Variants in CHD9 observed in about 807,000 individuals in gnomAD.
The protein encoded by CHD9 is ATP-dependent chromatin remodeler CHD9.
In CHD9, 77 loss-of-function variants were observed where a neutral mutation model predicts 316.1. The observed-to-expected ratio is 0.24, with a 90% CI of 0.20 to 0.29. The LOEUF (loss-of-function observed/expected upper bound fraction) is 0.29. Ranked by LOEUF, CHD9 falls within the 10% of genes least tolerant of loss-of-function variation. The pLI is 1.00. For missense variants in CHD9, 2,763 were observed against 3,438.1 expected (o/e 0.80, Z 4.91); for synonymous variants, 1,129 against 1,158.3 (o/e 0.97, Z 0.51).
chr16:53,149,782 A>T (rs1276376108), intron 1 of CHD9, among the ~76,000 whole-genome samples: 2 of 125,740 alleles, frequency 1.6e-5, no homozygotes, highest in African/African-American at 5.7e-5. Context: ...CAGGTCTTGA[A>T]CTCCTGGCCT....
At position 53,222,653 on chromosome 16, in the gene CHD9, T is replaced by C. The variant is rs1322849039; in HGVS notation, c.1794T>C (p.Ile598=). 1 of 1,482,288 alleles carries C rather than the reference T, an allele frequency of 6.7e-7. No individual in the cohort carries two copies. 91.8% of individuals were successfully genotyped at this position (1,482,288 alleles called of 1,614,324 possible). A position where few individuals can be genotyped will look rare whatever the true frequency, so the allele number is the denominator to read the frequency against. ...TTTCCTCTTGAAACAGCAAACTCAT[T>C]ATTACATTGGGTAAGAAACAAAAAA... The part of the protein sequence containing the change: ...LKEKTKIGKL[I]ITLGKKQKRK... Residue 598 remains isoleucine, a synonymous_variant, in exon 4 of 39, where the codon ATT becomes ATC. Coordinates refer to ENST00000447540, the MANE Select transcript of CHD9 (RefSeq NM_001308319.2).
At chr16:53,223,919 T>C (rs1431629057) in intron 4 of CHD9, among the ~76,000 whole-genome samples, 1 of 152,148 alleles carries the variant, frequency 6.6e-6, no homozygotes, top group Non-Finnish European at 1.5e-5. Context: ...GCTGGAAATC[T>C]AAAAATGTGA....
chr16:53,245,948 T>C lies in CHD9; in HGVS notation c.3454+98T>C. 2 of 819,168 alleles carry C rather than the reference T, an allele frequency of 2.4e-6. No individual in the cohort carries two copies. Among genetic ancestry groups the C allele is most frequent in the Non-Finnish European group, 1.8e-6 (1 of 569,500 alleles). The allele number at this position is 819,168 out of a possible 1,614,324, so 50.7% of individuals were successfully genotyped here. On this transcript the variant is annotated intron_variant, in intron 15 of 38. Coordinates refer to ENST00000447540, the MANE Select transcript of CHD9 (RefSeq NM_001308319.2). The surrounding 1 kb of genome is among the most constrained non-coding windows in gnomAD (Gnocchi z 4.1). ...CTACAGCTGTAGTGGCTGTTATGACTCTCCACTGTGATATTCTAAGGAATT... is the reference window on the plus strand; with the variant it reads ...CTACAGCTGTAGTGGCTGTTATGACCCTCCACTGTGATATTCTAAGGAATT...
intron 12 of CHD9, among the ~76,000 whole-genome samples, chr16:53,241,477 T>A (rs1300779521): frequency 2.0e-5 from 3 of 152,210 alleles, no homozygotes; most frequent in Non-Finnish European, 4.4e-5. Context: ...TGTAAACTCT[T>A]TCCTAAATTC....
At chr16:53,142,018 A>G (rs192036566) in intron 1 of CHD9, among the ~76,000 whole-genome samples, 1 of 152,308 alleles carries the variant, frequency 6.6e-6, no homozygotes, top group East Asian at 1.9e-4. Flanking sequence ...TAACTTTGGG[A>G]AAGGAATAAA....
chr16:53,136,203 G>A (rs1160568296), intron 1 of CHD9, among the ~76,000 whole-genome samples: 1 of 152,018 alleles, frequency 6.6e-6, no homozygotes, highest in Non-Finnish European at 1.5e-5. Context: ...TTTGGTTTTT[G>A]TTTGATTTTT....
At chr16:53,285,316 G>T (rs1477211429) in intron 24 of CHD9, among the ~76,000 whole-genome samples, 2 of 152,112 alleles carry the variant, frequency 1.3e-5, no homozygotes, top group African/African-American at 4.8e-5. Context: ...TCTAAATAAA[G>T]AAAATCAGTG....
chr16:53,149,639 C>G (rs1450872227), intron 1 of CHD9, among the ~76,000 whole-genome samples: 1 of 150,756 alleles, frequency 6.6e-6, no homozygotes, highest in Admixed American at 6.6e-5. Flanking sequence ...ACCTCCAACT[C>G]CTGGGCTCAG....
In CHD9 at chr16:53,245,959, A is replaced by G. The variant is rs1310766982; in HGVS notation, c.3454+109A>G. 2.7e-6 allele frequency: 2 copies of G among 742,876 alleles called. No homozygotes were observed. Among genetic ancestry groups the G allele is most frequent in the African/African-American group, 3.6e-5 (2 of 54,942 alleles). The allele number at this position is 742,876 out of a possible 1,614,324, so 46.0% of individuals were successfully genotyped here. On this transcript the variant is annotated intron_variant, in intron 15 of 38. Transcript: ENST00000447540. The surrounding 1 kb of genome is among the most constrained non-coding windows in gnomAD (Gnocchi z 4.1). ...GTGGCTGTTATGACTCTCCACTGTGATATTCTAAGGAATTACAAGTGTTAC... is the reference window on the plus strand; with the variant it reads ...GTGGCTGTTATGACTCTCCACTGTGGTATTCTAAGGAATTACAAGTGTTAC...
chr16:53,156,451 G>A lies in CHD9; in HGVS notation c.362G>A (p.Gly121Asp), dbSNP rs1405510321. ...PNGLFPDVSD[G>D]SPMWGHQTAT... ...GGTTTGTTTCCAGATGTATCAGATG[G>A]CAGTCCAATGTGGGGCCATCAGACA... Residue 121 changes from glycine (G) to aspartate (D), a missense_variant, in exon 2 of 39, where the codon GGC (glycine) becomes GAC (aspartate). This residue lies in a region of CHD9 where 859 missense variants were observed against 890.4 expected (regional missense o/e 0.96). Transcript: ENST00000447540. 2 of 1,613,896 alleles carry A rather than the reference G, an allele frequency of 1.2e-6. No homozygotes were observed. The highest frequency in any genetic ancestry group is 8.5e-7 in the Non-Finnish European group (1 of 1,179,862).
chr16:53,227,330 A>G lies in CHD9; in HGVS notation c.2044-66A>G. 4.1e-6 allele frequency: 4 copies of G among 985,680 alleles called. 1 individual carries two copies. In the South Asian group the frequency reaches 6.0e-5, roughly 15 times the overall value. The allele number at this position is 985,680 out of a possible 1,614,324, so 61.1% of individuals were successfully genotyped here. A position where few individuals can be genotyped will look rare whatever the true frequency, so the allele number is the denominator to read the frequency against. On this transcript the variant is annotated intron_variant, in intron 5 of 38. Transcript: ENST00000447540. ...TGAATTGTAGTATGTTCATCAACAT[A>G]CAAAGTGGCAACTAAAAGATCTTTC... is the stretch of plus-strand genomic sequence containing the variant.
chr16:53,233,163 C>T lies in CHD9; in HGVS notation c.2511+1379C>T, dbSNP rs567989126. On this transcript the variant is annotated intron_variant, in intron 10 of 38. Transcript: ENST00000447540. ...CACAAGACTGCCCCCTCCTTTCCAC[C>T]AGTCACAAGTCCAGGGGCCTTCAGA... is the stretch of plus-strand genomic sequence containing the variant. 7.9e-5 allele frequency among the ~76,000 whole-genome samples: 12 copies of T among 152,234 alleles called. No homozygotes were observed. In the East Asian group the frequency reaches 1.9e-3, roughly 25 times the overall value.
chr16:53,226,424 A>C lies in CHD9; in HGVS notation c.1955A>C (p.Lys652Thr), dbSNP rs751536236. The change falls in exon 5 of 39, where the codon AAG becomes ACG. Residue 652 changes from lysine to threonine, a missense_variant. By Grantham distance (78) the Lys-to-Thr change is moderately conservative. Around this residue, in one of 15 missense-constraint regions of CHD9, gnomAD observed 859 missense variants for 890.4 expected, o/e 0.96. Transcript: ENST00000447540. ...AAATACGCAGAAGATATAGAAGGGA[A>C]GCAATCTGAAGAAGAGGTTAAAGGT... ...RKKYAEDIEGKQSEEEVKGSM... is the reference protein window; with the variant it reads ...RKKYAEDIEGTQSEEEVKGSM... The C allele has an allele frequency of 1.1e-5, 17 of 1,603,320 alleles. No individual in the cohort carries two copies. The highest frequency in any genetic ancestry group is 1.4e-5 in the Non-Finnish European group (17 of 1,175,994).
At chr16:53,276,159 C>A (rs2052796555) in intron 24 of CHD9, among the ~76,000 whole-genome samples, 1 of 152,156 alleles carries the variant, frequency 6.6e-6, no homozygotes, top group East Asian at 1.9e-4. Flanking sequence ...ACTCTACTTG[C>A]TAACTAAAAT....
chr16:53,195,960 G>C (rs1481503193), intron 2 of CHD9, among the ~76,000 whole-genome samples: 2 of 152,018 alleles, frequency 1.3e-5, no homozygotes, highest in Non-Finnish European at 2.9e-5. Context: ...GTTTTGCCAT[G>C]TTGGCCAGAC....
At chr16:53,119,407 T>A (rs2038569851) in intron 1 of CHD9, among the ~76,000 whole-genome samples, 1 of 152,200 alleles carries the variant, frequency 6.6e-6, no homozygotes, top group East Asian at 1.9e-4. Context: ...TGATAATTGT[T>A]ATTTATTTTA....
At chr16:53,092,145 G>C (rs946427619) in intron 1 of CHD9, among the ~76,000 whole-genome samples, 6 of 152,184 alleles carry the variant, frequency 3.9e-5, no homozygotes, top group Non-Finnish European at 7.3e-5. Flanking sequence ...CTCATTGGCT[G>C]TCATACCCTG....
chr16:53,289,369 A>G (rs1012508500), intron 27 of CHD9, among the ~76,000 whole-genome samples: 2 of 152,164 alleles, frequency 1.3e-5, no homozygotes, highest in African/African-American at 4.8e-5. Context: ...AACCTGAGCA[A>G]TATAATGGGA....
In CHD9 at chr16:53,114,447, G is replaced by A. The variant is rs569982576; in HGVS notation, c.-164-41479G>A. Among the ~76,000 whole-genome samples the A allele has an allele frequency of 9.2e-5, 14 of 152,206 alleles. No homozygotes were observed. The East Asian group carries it at 2.5e-3, about 27-fold the overall frequency. ...TAATTTTTGTATTTTTAGTAGAGACGAGGTTTTGCCGTATTGGCCAGGCTG... is the reference window on the plus strand; with the variant it reads ...TAATTTTTGTATTTTTAGTAGAGACAAGGTTTTGCCGTATTGGCCAGGCTG... On this transcript the variant is annotated intron_variant, in intron 1 of 38. Coordinates refer to ENST00000447540, the MANE Select transcript of CHD9 (RefSeq NM_001308319.2).
Sources: gnomAD v4.1 joint callset for allele counts (sites outside exome capture counted in the v4.1 genomes callset) on GRCh38, gnomAD v4.1.1 for gene constraint, gnomAD v4.1.1 regional missense constraint, Gnocchi (gnomAD v3.1) non-coding constraint, MANE v1.5 for transcripts, NCBI Gene and HGNC (gene_info 2026-07-23, HGNC 2026-07-21) for gene names.